The following ZNF469 variants were observed in gnomAD, a reference collection of about 807,000 sequenced individuals.
ZNF469 encodes zinc finger protein 469.
ZNF469 carries 1 observed loss-of-function variant against 1.0 expected under a neutral mutation model. The observed-to-expected ratio is 1.00, with a 90% CI of 0.35 to 4.73. The LOEUF is 4.73. Among genes scored for constraint, ZNF469 ranks in the 30% most tolerant of loss-of-function variants. ZNF469 has a pLI of 0.16. For synonymous variants in ZNF469, 2,703 were observed against 2,363.4 expected (o/e 1.14, Z -4.17); for missense variants, 6,100 against 5,356.3 (o/e 1.14, Z -4.33).
the ZNF469 span, among the ~76,000 whole-genome samples, chr16:88,325,045 G>A: frequency 1.3e-5 from 2 of 152,164 alleles, no homozygotes; most frequent in South Asian, 4.1e-4. Flanking sequence ...GGGAGGAGGT[G>A]CCCTTGGGAA....
chr16:88,237,553 CTCACCCTCCCT>C, the ZNF469 span, among the ~76,000 whole-genome samples: 403 of 104,244 alleles, frequency 3.9e-3, 22 homozygotes, highest in South Asian at 9.2e-3. Context: ...GCTCCTGCCA[CTCACCCTCCCT>C]GCCCTCCGTG....
At chr16:88,365,939 C>A in the ZNF469 span, among the ~76,000 whole-genome samples, 1 of 152,234 alleles carries the variant, frequency 6.6e-6, no homozygotes, top group Non-Finnish European at 1.5e-5. Context: ...GCCATACACA[C>A]ATGGTGACAG....
chr16:88,105,891 A>C, the ZNF469 span, among the ~76,000 whole-genome samples: 2 of 152,338 alleles, frequency 1.3e-5, no homozygotes, highest in Admixed American at 6.5e-5. Context: ...CCAGGAAGCA[A>C]GCACTCACAC....
chr16:88,369,532 G>A, the ZNF469 span, among the ~76,000 whole-genome samples: 4 of 152,222 alleles, frequency 2.6e-5, no homozygotes, highest in Admixed American at 2.6e-4. Context: ...TCAGCCCATT[G>A]CCCATTGCTA....
At chr16:88,129,303 C>A in the ZNF469 span, among the ~76,000 whole-genome samples, 2 of 152,224 alleles carry the variant, frequency 1.3e-5, no homozygotes, top group South Asian at 4.1e-4. Flanking sequence ...GCCATCACGG[C>A]AGCCTCTCGG....
At chr16:88,180,358 G>T in the ZNF469 span, among the ~76,000 whole-genome samples, 1 of 152,134 alleles carries the variant, frequency 6.6e-6, no homozygotes, top group Non-Finnish European at 1.5e-5. Flanking sequence ...GTAAGGGACA[G>T]AAATAGTTAT....
chr16:88,223,556 C>G, the ZNF469 span, among the ~76,000 whole-genome samples: 5 of 152,144 alleles, frequency 3.3e-5, no homozygotes, highest in African/African-American at 1.2e-4. Flanking sequence ...GAAAGGTGGA[C>G]AGACACCCCA....
chr16:88,337,106 C>T, the ZNF469 span, among the ~76,000 whole-genome samples: 5 of 152,202 alleles, frequency 3.3e-5, no homozygotes, highest in Non-Finnish European at 5.9e-5. Flanking sequence ...GCCATTTCCA[C>T]GCTGGGGCTA....
At chr16:88,415,817 G>A (rs766509199) in intron 1 of ZNF469, among the ~76,000 whole-genome samples, 3 of 152,196 alleles carry the variant, frequency 2.0e-5, no homozygotes, top group African/African-American at 4.8e-5. Context: ...CCCAAGCCCC[G>A]CATGATCATT....
the ZNF469 span, among the ~76,000 whole-genome samples, chr16:88,355,328 T>G: frequency 6.6e-6 from 1 of 152,384 alleles, no homozygotes; most frequent in South Asian, 2.1e-4. Flanking sequence ...CCTCGGTTTC[T>G]GCTGCTACAA....
Position 88,434,293 on chromosome 16 carries a change from G to A in ZNF469, c.6823G>A (p.Gly2275Arg), listed in dbSNP as rs1906409761. The A allele has an allele frequency of 6.5e-7, 1 of 1,550,280 alleles. No individual in the cohort carries two copies. Among genetic ancestry groups the A allele is most frequent in the Non-Finnish European group, 8.7e-7 (1 of 1,146,976 alleles). Residue 2275 changes from glycine (G) to arginine (R), a missense_variant, in exon 3 of 3, where the codon GGG becomes AGG. Coordinates refer to ENST00000565624, the MANE Select transcript of ZNF469 (RefSeq NM_001367624.2). ...PGRATSPPLA[G>R]AVSPSVAVRA... ...CCGAGCCACCTCTCCTCCTCTGGCA[G>A]GGGCCGTCTCCCCCAGCGTGGCCGT...
the ZNF469 span, among the ~76,000 whole-genome samples, chr16:88,305,266 T>TCA: frequency 0.066 from 8,524 of 128,826 alleles, 309 homozygotes; most frequent in Non-Finnish European, 0.095. Context: ...ATGCACACCC[T>TCA]CACACACATG....
chr16:88,360,996 A>T, the ZNF469 span, among the ~76,000 whole-genome samples: 27 of 152,300 alleles, frequency 1.8e-4, 1 homozygote, highest in East Asian at 2.3e-3. Context: ...TTACATTGCA[A>T]TATATAGTAA....
the ZNF469 span, among the ~76,000 whole-genome samples, chr16:88,326,432 T>C: frequency 6.6e-6 from 1 of 152,190 alleles, no homozygotes; most frequent in African/African-American, 2.4e-5. Context: ...ATCTCAGGTA[T>C]GTCTTTATCA....
At chr16:88,182,914 C>A in the ZNF469 span, among the ~76,000 whole-genome samples, 1 of 152,120 alleles carries the variant, frequency 6.6e-6, no homozygotes, top group Non-Finnish European at 1.5e-5. Context: ...AATCAAAAGC[C>A]TCTGCTCTTT....
At chr16:88,382,444 C>G (rs142728261), upstream of ZNF469, among the ~76,000 whole-genome samples, 332 of 152,326 alleles carry the variant, frequency 2.2e-3, no homozygotes, top group Middle Eastern at 6.8e-3. Context: ...GACAAGGGAC[C>G]CAGAGTGGAG....
chr16:88,135,833 T>C, the ZNF469 span, among the ~76,000 whole-genome samples: 1 of 142,314 alleles, frequency 7.0e-6, no homozygotes, highest in Non-Finnish European at 1.5e-5. Flanking sequence ...TGATCTCGGC[T>C]CACTGCAACC....
the ZNF469 span, among the ~76,000 whole-genome samples, chr16:88,132,631 T>C: frequency 1.3e-5 from 2 of 152,192 alleles, no homozygotes; most frequent in Non-Finnish European, 2.9e-5. Flanking sequence ...TATCACATTC[T>C]TTCCTGTGCT....
chr16:88,410,839 C>T (rs1450388571), intron 1 of ZNF469, among the ~76,000 whole-genome samples: 1 of 152,278 alleles, frequency 6.6e-6, no homozygotes, highest in African/African-American at 2.4e-5. Context: ...TGCAGTGAAG[C>T]GATGACCCGA....
Sources: allele counts gnomAD v4.1 joint callset (sites outside exome capture counted in the v4.1 genomes callset), GRCh38; gene constraint gnomAD v4.1.1; transcripts MANE v1.5; gene names NCBI Gene and HGNC (gene_info 2026-07-23, HGNC 2026-07-21).